The following KLK6 variants were observed in gnomAD, a reference collection of about 807,000 sequenced individuals.
KLK6 encodes the protein kallikrein related peptidase 6, also known as kallikrein-6.
In KLK6, 16 loss-of-function variants were observed where a neutral mutation model predicts 21.7. The ratio of observed to expected loss-of-function variants is 0.74; its 90% CI spans 0.50 to 1.12. KLK6 has a LOEUF of 1.12. Ranked by LOEUF, KLK6 falls within the 50% of genes most tolerant of loss-of-function variation. KLK6 has a pLI of 0.00. For synonymous variants in KLK6, 116 were observed against 120.1 expected, an observed-to-expected ratio of 0.97 and a Z score of 0.22; for missense variants, 276 against 304.6, an observed-to-expected ratio of 0.91 and a Z score of 0.70.
chr19:50,959,248 G>C lies in KLK6; in HGVS notation c.651C>G (p.Pro217=). 6.2e-7 allele frequency: 1 copy of C among 1,613,840 alleles called. No homozygotes were observed. The highest frequency in any genetic ancestry group is 1.1e-5 in the South Asian group (1 of 91,068). ...CTCCTGGCTTCTCCTTTGATCCACA[G>C]GGGATGTTACCCCATGACACAAGGC... ...LRGLVSWGNI[P]CGSKEKPGVY... Residue 217 remains proline (P), a synonymous_variant, in exon 7 of 7, where the codon CCC becomes CCG. Coordinates refer to ENST00000310157, the MANE Select transcript of KLK6 (RefSeq NM_002774.4).
chr19:50,959,169 T>C lies in KLK6; in HGVS notation c.730A>G (p.Lys244Glu), dbSNP rs1180717172. 1 of 1,614,076 alleles carries C rather than the reference T, an allele frequency of 6.2e-7. No homozygotes were observed. The highest frequency in any genetic ancestry group is 1.1e-5 in the South Asian group (1 of 91,078). ...GTAGATGTCACATGTCAGGGTCACT[T>C]GGCCTGAATGGTTTTTTGGATCCAG... is the stretch of plus-strand genomic sequence containing the variant. ...TNWIQKTIQA[K>E] The change falls in exon 7 of 7, where the codon AAG (lysine) becomes GAG (glutamate). Residue 244 changes from lysine (K) to glutamate (E), a missense_variant. Lys to Glu is a moderately conservative substitution (Grantham distance 56). Transcript: ENST00000310157.
chr19:50,960,359 T>TC (rs1326464107), intron 6 of KLK6, among the ~76,000 whole-genome samples: 1 of 151,998 alleles, frequency 6.6e-6, no homozygotes, highest in Non-Finnish European at 1.5e-5. Flanking sequence ...TGCCTGTGTC[T>TC]CCCCCTTGGT....
chr19:50,962,492 G>A (rs1003181933), intron 5 of KLK6: 1 of 152,286 alleles, frequency 6.6e-6, no homozygotes, highest in African/African-American at 2.4e-5. Flanking sequence ...TCCTCCAATG[G>A]TCTACCTTCC....
Position 50,958,824 on chromosome 19 carries a change from C to T in KLK6, c.*340G>A, listed in dbSNP as rs533669083. The T allele has an allele frequency of 4.7e-4, 146 of 309,648 alleles. 4 individuals carry two copies. The South Asian group carries it at 6.8e-3, about 14-fold the overall frequency. 19.2% of individuals were successfully genotyped at this position (309,648 alleles called of 1,614,324 possible). A position where few individuals can be genotyped will look rare whatever the true frequency, so the allele number is the denominator to read the frequency against. ...CCAAGGGGACACCGACAGTAAGCAG[C>T]GGAGCTGGGATTCCAGACACGTGGC... is the stretch of plus-strand genomic sequence containing the variant. On this transcript the variant is annotated 3_prime_UTR_variant, in exon 7 of 7. Transcript: ENST00000310157.
rs542263727 is a variant in KLK6, at chr19:50,963,614, G to C, written c.198-65C>G. 3.2e-5 allele frequency: 51 copies of C among 1,583,808 alleles called. No individual in the cohort carries two copies. The East Asian group carries it at 1.1e-3, about 33-fold the overall frequency. On this transcript the variant is annotated intron_variant, in intron 4 of 6. Transcript: ENST00000310157. Reference sequence around the variant, plus strand: ...GGCTGCAGTTGAGGCTTCAGAGAGGGCTGGGAAGTCATGAATCGCTGGCCT... The same window carrying C: ...GGCTGCAGTTGAGGCTTCAGAGAGGCCTGGGAAGTCATGAATCGCTGGCCT...
intron 6 of KLK6, among the ~76,000 whole-genome samples, chr19:50,959,862 AGAG>A (rs1410015591): frequency 1.4e-4 from 2 of 14,024 alleles, no homozygotes; most frequent in East Asian, 8.1e-3. Context: ...AGGAGGAGGA[AGAG>A]GAGGAGGAGG....
intron 4 of KLK6, 73 bp from the exon 5 acceptor site, chr19:50,963,622 G>T (rs1488030513): frequency 2.6e-6 from 4 of 1,562,348 alleles, no homozygotes; most frequent in African/African-American, 1.4e-5. Flanking sequence ...GGGCTGGGAA[G>T]TCATGAATCG....
intron 5 of KLK6, chr19:50,962,126 G>C (rs1418185433): frequency 1.4e-5 from 6 of 436,070 alleles, no homozygotes; most frequent in Non-Finnish European, 2.4e-5. Context: ...TCTTCTCCAG[G>C]AGTCCTCATT....
intron 2 of KLK6, 125 bp downstream of exon 2, chr19:50,968,416 G>C (rs1600100724): frequency 2.1e-6 from 1 of 472,362 alleles, no homozygotes; most frequent in East Asian, 3.9e-5. Context: ...GTCGACAGGA[G>C]AGGGTTACCC....
intron 6 of KLK6, among the ~76,000 whole-genome samples, chr19:50,959,824 GAGGAAGAGGAGAAGA>G (rs2090791819): frequency 2.5e-5 from 1 of 40,288 alleles, no homozygotes; most frequent in African/African-American, 1.2e-4. Context: ...GGAAGAGGAG[GAGGAAGAGGAGAAGA>G]AGGAGGAAGA....
chr19:50,963,468 C>T lies in KLK6; in HGVS notation c.279G>A (p.Val93=). The T allele has an allele frequency of 1.9e-6, 3 of 1,614,198 alleles. No homozygotes were observed. Among genetic ancestry groups the T allele is most frequent in the Non-Finnish European group, 2.5e-6 (3 of 1,180,038 alleles). The part of the protein sequence containing the change: ...SQEQSSVVRA[V]IHPDYDAASH... ...TGGCGGCATCATAGTCAGGGTGGAT[C>T]ACAGCCCGGACAACAGAACTCTGCT... Residue 93 remains valine (V), a synonymous_variant, in exon 5 of 7, where the codon GTG becomes GTA. Coordinates refer to ENST00000310157, the MANE Select transcript of KLK6 (RefSeq NM_002774.4).
rs745929255 is a variant in KLK6 at position 50,963,514 on chromosome 19, C to T, written c.233G>A (p.Arg78Gln). ...CTGCTCCTGGGAACTCTCCCTTTGC[C>T]GAAGGTTATGCTTCCCCAGGAAGAC... ...LQVFLGKHNL[R>Q]QRESSQEQSS... is the part of the protein sequence containing the mutation. The change falls in exon 5 of 7, where the codon CGG becomes CAG. Residue 78 changes from arginine (R) to glutamine (Q), a missense_variant. Arg to Gln is a conservative substitution (Grantham distance 43). Coordinates refer to ENST00000310157, the MANE Select transcript of KLK6 (RefSeq NM_002774.4). 1.8e-5 allele frequency: 29 copies of T among 1,613,952 alleles called. 1 individual carries two copies. The highest frequency in any genetic ancestry group is 5.3e-5 in the African/African-American group (4 of 74,882).
intron 5 of KLK6, among the ~76,000 whole-genome samples, chr19:50,962,947 ATTCC>A (rs1254773758): frequency 6.6e-6 from 1 of 151,648 alleles, no homozygotes; most frequent in Non-Finnish European, 1.5e-5. Flanking sequence ...CTTCTCCATT[ATTCC>A]TTCCTGCTGT....
chr19:50,963,210 A>G (rs2090870869), intron 5 of KLK6, 92 bp downstream of exon 5: 5 of 1,522,640 alleles, frequency 3.3e-6, no homozygotes, highest in African/African-American at 2.7e-5. Flanking sequence ...CCATCTTCCC[A>G]TGGCCCCTCA....
chr19:50,961,950 C>CT, intron 5 of KLK6, 70 bp from the exon 6 acceptor site: 3 of 1,548,338 alleles, frequency 1.9e-6, no homozygotes, highest in Non-Finnish European at 2.6e-6. Flanking sequence ...AGTCACCCCC[C>CT]AACCCCTATA....
rs2090846848 is a variant in KLK6, at chr19:50,961,846, G to T, written c.480C>A (p.Ile160=). The T allele has an allele frequency of 6.2e-7, 1 of 1,613,918 alleles. No homozygotes were observed. Among genetic ancestry groups the T allele is most frequent in the Admixed American group, 1.7e-5 (1 of 59,992 alleles). The change falls in exon 6 of 7, where the codon ATC becomes ATA. Residue 160 remains isoleucine (I), a synonymous_variant. Transcript: ENST00000310157. ...DFPDTIQCAY[I]HLVSREECEH... ...CACACTCCTCACGGGACACCAGGTG[G>T]ATGTATGCACACTGGATGGTGTCAG... is the stretch of plus-strand genomic sequence containing the variant.
intron 6 of KLK6, among the ~76,000 whole-genome samples, chr19:50,961,074 A>G (rs1685690675): frequency 1.4e-5 from 2 of 142,808 alleles, no homozygotes; most frequent in South Asian, 2.3e-4. Flanking sequence ...TAATTTTTGT[A>G]TTTTTAGTAG....
chr19:50,961,594 T>C, intron 6 of KLK6, 150 bp downstream of exon 6: 1 of 870,208 alleles, frequency 1.1e-6, no homozygotes, highest in Non-Finnish European at 1.7e-6. Flanking sequence ...AGTCTCTTCT[T>C]TTCAAGGCTT....
At chr19:50,966,965 C>CT (rs1292525290) in intron 4 of KLK6, among the ~76,000 whole-genome samples, 4 of 151,754 alleles carry the variant, frequency 2.6e-5, no homozygotes, top group South Asian at 2.1e-4. Context: ...TTTTTGTTTT[C>CT]TTTTTTTTAT....
Sources: gnomAD v4.1 joint callset for allele counts (sites outside exome capture counted in the v4.1 genomes callset) on GRCh38, gnomAD v4.1.1 for gene constraint, MANE v1.5 for transcripts, NCBI Gene and HGNC (gene_info 2026-07-23, HGNC 2026-07-21) for gene names.